The following YTHDF2 variants were observed in gnomAD, a reference collection of about 807,000 sequenced individuals.
The protein encoded by YTHDF2 is YTH domain-containing family protein 2.
A neutral mutation model predicts 50.4 loss-of-function variants in YTHDF2; 2 were observed. The ratio of observed to expected loss-of-function variants is 0.04; its 90% CI spans 0.02 to 0.12. The LOEUF is 0.12. Ranked by LOEUF, YTHDF2 falls within the 10% of genes least tolerant of loss-of-function variation. The pLI, the probability that YTHDF2 is intolerant of heterozygous loss-of-function variation, is 1.00. For synonymous variants in YTHDF2, 217 were observed against 255.6 expected, an observed-to-expected ratio of 0.85 and a Z score of 1.44; for missense variants, 483 against 722.6, an observed-to-expected ratio of 0.67 and a Z score of 3.80.
chr1:28,747,440 G>A (rs2087881049), intron 4 of YTHDF2, among the ~76,000 whole-genome samples: 1 of 150,846 alleles, frequency 6.6e-6, no homozygotes, highest in African/African-American at 2.4e-5. Flanking sequence ...CATGGTGGCA[G>A]GTGCCTGTAA....
At chr1:28,739,880 A>G (rs2087750725) in intron 3 of YTHDF2, among the ~76,000 whole-genome samples, 1 of 152,216 alleles carries the variant, frequency 6.6e-6, no homozygotes, top group South Asian at 2.1e-4. Flanking sequence ...GTTGTAACTA[A>G]TTTAACTCCC....
intron 4 of YTHDF2, among the ~76,000 whole-genome samples, chr1:28,749,231 G>T (rs761690023): frequency 2.4e-5 from 3 of 127,626 alleles, no homozygotes; most frequent in Non-Finnish European, 3.1e-5. Context: ...TCGCTCTGTC[G>T]TCCAGGCGGG....
At position 28,742,503 on chromosome 1, in the gene YTHDF2, G is replaced by A; in HGVS notation, c.233G>A (p.Gly78Glu). The A allele has an allele frequency of 6.2e-7, 1 of 1,613,958 alleles. No individual in the cohort carries two copies. The highest frequency in any genetic ancestry group is 8.5e-7 in the Non-Finnish European group (1 of 1,179,994). The change falls in exon 4 of 5, where the codon GGG becomes GAG. Residue 78 changes from glycine (G) to glutamate (E), a missense_variant. Gly to Glu is a moderately conservative substitution (Grantham distance 98, BLOSUM62 -2). Coordinates refer to ENST00000373812, the MANE Select transcript of YTHDF2 (RefSeq NM_016258.3). ...YSLGEAAWST[G>E]GDTAMPYLTS... is the part of the protein sequence containing the mutation. ...TTGGGTGAAGCTGCTTGGTCTACGG[G>A]GGGTGACACAGCCATGCCCTACTTA...
chr1:28,758,640 A>G (rs1371751705), intron 4 of YTHDF2, among the ~76,000 whole-genome samples: 1 of 152,236 alleles, frequency 6.6e-6, no homozygotes, highest in African/African-American at 2.4e-5. Flanking sequence ...GATAATGCAC[A>G]GCGACAGGTT....
In YTHDF2 at chr1:28,743,731, C is replaced by T; in HGVS notation, c.1461C>T (p.Ser487=). Residue 487 remains serine, a synonymous_variant, in exon 4 of 5, where the codon TCC becomes TCT. Coordinates refer to ENST00000373812, the MANE Select transcript of YTHDF2 (RefSeq NM_016258.3). The surrounding 1 kb of genome is among the most constrained non-coding windows in gnomAD (Gnocchi z 6.9). The part of the protein sequence containing the change: ...VDYNTCAGVW[S]QDKWKGRFDV... ...ACAACACATGTGCAGGTGTGTGGTCCCAGGACAAATGGAAGGGTCGTTTTG... is the reference window on the plus strand; with the variant it reads ...ACAACACATGTGCAGGTGTGTGGTCTCAGGACAAATGGAAGGGTCGTTTTG... 6.2e-7 allele frequency: 1 copy of T among 1,613,902 alleles called. No individual in the cohort carries two copies. Among genetic ancestry groups the T allele is most frequent in the Non-Finnish European group, 8.5e-7 (1 of 1,179,948 alleles).
intron 4 of YTHDF2, among the ~76,000 whole-genome samples, chr1:28,759,610 T>C (rs2088085322): frequency 6.6e-6 from 1 of 152,158 alleles, no homozygotes; most frequent in Non-Finnish European, 1.5e-5. Flanking sequence ...TGTAATGCAA[T>C]GATAAGTATT....
At chr1:28,745,488 C>T (rs1466549004) in intron 4 of YTHDF2, among the ~76,000 whole-genome samples, 2 of 152,206 alleles carry the variant, frequency 1.3e-5, no homozygotes, top group Non-Finnish European at 1.5e-5. Flanking sequence ...AATCCCAGCA[C>T]TTTGGGAGGC....
chr1:28,738,231 ACTC>A (rs1485413341), intron 2 of YTHDF2, 25 bp from the exon 3 acceptor site: 2 of 1,558,528 alleles, frequency 1.3e-6, no homozygotes, highest in Non-Finnish European at 1.8e-6. Context: ...GGATTGGGAC[ACTC>A]CTAATTGAAT....
At chr1:28,749,238 C>T (rs1337560874) in intron 4 of YTHDF2, among the ~76,000 whole-genome samples, 5 of 135,208 alleles carry the variant, frequency 3.7e-5, no homozygotes, top group African/African-American at 8.6e-5. Flanking sequence ...GTCGTCCAGG[C>T]GGGAGTGCAG....
At chr1:28,738,156 C>G in intron 2 of YTHDF2, 103 bp from the exon 3 acceptor site, 2 of 863,166 alleles carry the variant, frequency 2.3e-6, no homozygotes, top group Non-Finnish European at 3.7e-6. Context: ...ATCTTACGTG[C>G]TTTGTTAACT....
chr1:28,737,566 A>G, intron 1 of YTHDF2, 92 bp from the exon 2 acceptor site: 1 of 1,572,314 alleles, frequency 6.4e-7, no homozygotes, highest in Non-Finnish European at 8.7e-7. Context: ...CTGCTCCTTT[A>G]TTCTCCCTTC....
intron 4 of YTHDF2, among the ~76,000 whole-genome samples, chr1:28,765,175 A>AT (rs960185322): frequency 8.0e-5 from 12 of 149,390 alleles, no homozygotes; most frequent in African/African-American, 2.0e-4. Context: ...TAATATTTGT[A>AT]TTTTTTTTGT....
intron 1 of YTHDF2, chr1:28,737,447 G>C (rs2087711044): frequency 1.5e-6 from 1 of 682,748 alleles, no homozygotes; most frequent in Admixed American, 3.4e-5. Flanking sequence ...TCGCGTCGCC[G>C]GTGGCGCGTC....
chr1:28,751,090 C>CAAA (rs56916547), intron 4 of YTHDF2, among the ~76,000 whole-genome samples: 8 of 33,752 alleles, frequency 2.4e-4, no homozygotes, highest in African/African-American at 9.5e-4. Flanking sequence ...GAGACTGTCT[C>CAAA]AAAAAAAAAA....
intron 3 of YTHDF2, among the ~76,000 whole-genome samples, chr1:28,742,107 T>C (rs954400737): frequency 2.0e-5 from 3 of 150,406 alleles, no homozygotes; most frequent in African/African-American, 4.9e-5. Context: ...TGGAGTGCAG[T>C]GGTGCGATCT....
At chr1:28,749,512 A>G (rs1221385794) in intron 4 of YTHDF2, among the ~76,000 whole-genome samples, 1 of 152,170 alleles carries the variant, frequency 6.6e-6, no homozygotes, top group African/African-American at 2.4e-5. Flanking sequence ...ACTTTGGAAT[A>G]GTCTGGGAGA....
At chr1:28,753,582 A>G (rs759633619) in intron 4 of YTHDF2, among the ~76,000 whole-genome samples, 5 of 151,918 alleles carry the variant, frequency 3.3e-5, no homozygotes, top group Admixed American at 6.6e-5. Flanking sequence ...TGTTAAAAAC[A>G]TAGTCTTGAG....
chr1:28,763,971 C>T (rs1436485568), intron 4 of YTHDF2, among the ~76,000 whole-genome samples: 4 of 135,296 alleles, frequency 3.0e-5, no homozygotes, highest in Non-Finnish European at 4.7e-5. Flanking sequence ...TTTTTTGAGA[C>T]GGGGTTTCTC....
chr1:28,753,151 C>G (rs1570472090), intron 4 of YTHDF2, among the ~76,000 whole-genome samples: 1 of 151,650 alleles, frequency 6.6e-6, no homozygotes, highest in Non-Finnish European at 1.5e-5. Flanking sequence ...TTGGAACTTA[C>G]ACCTGGAGAG....
Sources: gnomAD v4.1 joint callset for allele counts (sites outside exome capture counted in the v4.1 genomes callset) on GRCh38, gnomAD v4.1.1 for gene constraint, Gnocchi (gnomAD v3.1) non-coding constraint, MANE v1.5 for transcripts, NCBI Gene and HGNC (gene_info 2026-07-23, HGNC 2026-07-21) for gene names.